CNTN5: variants seen among roughly 807,000 people sequenced by gnomAD.
CNTN5 encodes the protein contactin-5.
CNTN5 carries 77 observed loss-of-function variants against 129.1 expected under a neutral mutation model. That is an observed-to-expected ratio of 0.60 (90% CI 0.50 to 0.72). CNTN5 has a LOEUF of 0.72. Ranked by LOEUF, CNTN5 falls within the 30% of genes least tolerant of loss-of-function variation. CNTN5 has a pLI of 0.00. For missense variants in CNTN5, 1,478 were observed against 1,328.8 expected (o/e 1.11, Z -1.75); for synonymous variants, 509 against 465.6 (o/e 1.09, Z -1.20).
chr11:100,351,012 G>A (rs913645878), intron 24 of CNTN5, 142 bp downstream of exon 24: 1 of 596,266 alleles, frequency 1.7e-6, no homozygotes, highest in African/African-American at 1.9e-5. Context: ...ATTATCTTCT[G>A]ATTAATATGA....
At chr11:99,357,766 A>T (rs1209243481) in intron 2 of CNTN5, among the ~76,000 whole-genome samples, 1 of 151,954 alleles carries the variant, frequency 6.6e-6, no homozygotes, top group Non-Finnish European at 1.5e-5. Context: ...AATTAGGTAT[A>T]GAAAATTAGG....
intron 2 of CNTN5, among the ~76,000 whole-genome samples, chr11:99,415,047 A>AAGGC (rs1235970717): frequency 4.5e-5 from 2 of 44,476 alleles, no homozygotes; most frequent in East Asian, 1.3e-3. Context: ...TTATTTCAAC[A>AAGGC]AGGCATGCTA....
chr11:99,513,247 C>A (rs1449820457), intron 2 of CNTN5, among the ~76,000 whole-genome samples: 3 of 152,142 alleles, frequency 2.0e-5, no homozygotes, highest in African/African-American at 7.2e-5. Context: ...GAGGAAGCTG[C>A]AAAAGCAAAG....
intron 13 of CNTN5, among the ~76,000 whole-genome samples, chr11:100,118,783 C>T (rs1174784429): frequency 6.6e-6 from 1 of 151,760 alleles, no homozygotes; most frequent in Non-Finnish European, 1.5e-5. Flanking sequence ...CAAGAATACC[C>T]ATCTTTTTAA....
intron 13 of CNTN5, among the ~76,000 whole-genome samples, chr11:100,097,522 G>A (rs1176550394): frequency 1.3e-5 from 2 of 152,038 alleles, no homozygotes; most frequent in Non-Finnish European, 2.9e-5. Flanking sequence ...CAGAATAAAA[G>A]AAGTTATTCC....
At chr11:100,195,242 A>G (rs1351958642) in intron 15 of CNTN5, among the ~76,000 whole-genome samples, 1 of 152,012 alleles carries the variant, frequency 6.6e-6, no homozygotes, top group African/African-American at 2.4e-5. Flanking sequence ...GAGTGATCAC[A>G]TATCTAAAGA....
chr11:99,684,313 C>T (rs76424698), intron 3 of CNTN5, among the ~76,000 whole-genome samples: 5,308 of 151,806 alleles, frequency 0.035, 334 homozygotes, highest in African/African-American at 0.12. Context: ...CTTTTTAAAA[C>T]TCATTTTTGT....
intron 18 of CNTN5, among the ~76,000 whole-genome samples, chr11:100,288,080 C>T (rs61908372): frequency 6.6e-6 from 1 of 151,938 alleles, no homozygotes. Context: ...TATATGCACC[C>T]AATACAGGAG....
At chr11:100,192,502 G>A (rs1948522846) in intron 14 of CNTN5, among the ~76,000 whole-genome samples, 1 of 151,886 alleles carries the variant, frequency 6.6e-6, no homozygotes, top group Non-Finnish European at 1.5e-5. Flanking sequence ...GGTTAGGAGT[G>A]GTGTTTCATC....
intron 13 of CNTN5, among the ~76,000 whole-genome samples, chr11:100,126,161 A>G (rs1402208353): frequency 6.6e-6 from 1 of 152,092 alleles, no homozygotes; most frequent in Non-Finnish European, 1.5e-5. Context: ...CTGTGACCCA[A>G]GAGTATGGTT....
intron 1 of CNTN5, among the ~76,000 whole-genome samples, chr11:99,235,162 A>G (rs1861202929): frequency 6.6e-6 from 1 of 152,066 alleles, no homozygotes; most frequent in Non-Finnish European, 1.5e-5. Flanking sequence ...CATTCAATCA[A>G]TCTTGTATGT....
chr11:99,965,466 G>T (rs1054282320), intron 8 of CNTN5, among the ~76,000 whole-genome samples: 9 of 151,966 alleles, frequency 5.9e-5, no homozygotes, highest in African/African-American at 2.2e-4. Flanking sequence ...GTAGTTGAGC[G>T]GTTTTGAGTG....
intron 13 of CNTN5, among the ~76,000 whole-genome samples, chr11:100,115,115 T>TAAAAAAAAAA (rs11388029): frequency 6.6e-4 from 52 of 78,306 alleles, no homozygotes; most frequent in African/African-American, 1.4e-3. Flanking sequence ...AGGTATACAG[T>TAAAAAAAAAA]AAAAAAAAAA....
chr11:99,491,170 T>A (rs1289270157), intron 2 of CNTN5, among the ~76,000 whole-genome samples: 1 of 152,142 alleles, frequency 6.6e-6, no homozygotes, highest in East Asian at 1.9e-4. Flanking sequence ...ACAAATTCAA[T>A]CAATCATTCC....
chr11:100,069,804 G>A (rs35457139), intron 10 of CNTN5, among the ~76,000 whole-genome samples: 12,618 of 152,010 alleles, frequency 0.083, 633 homozygotes, highest in East Asian at 0.19. Context: ...TTAAAAATTG[G>A]CCAATAGTGG....
intron 2 of CNTN5, among the ~76,000 whole-genome samples, chr11:99,538,966 C>G (rs1947998745): frequency 6.6e-6 from 1 of 151,980 alleles, no homozygotes; most frequent in Non-Finnish European, 1.5e-5. Context: ...CAACTCTCCT[C>G]CTCCATGTAA....
intron 8 of CNTN5, among the ~76,000 whole-genome samples, chr11:99,977,778 G>C (rs1269080774): frequency 2.0e-5 from 3 of 152,170 alleles, no homozygotes; most frequent in Non-Finnish European, 4.4e-5. Flanking sequence ...TAAGATTTAG[G>C]TGGGGGCACA....
At chr11:100,255,965 A>G (rs1950060173) in intron 17 of CNTN5, 47 bp downstream of exon 17, 1 of 1,557,752 alleles carries the variant, frequency 6.4e-7, no homozygotes, top group Non-Finnish European at 8.8e-7. Flanking sequence ...GTGGCCTTCT[A>G]TCTCATAAGC....
intron 2 of CNTN5, among the ~76,000 whole-genome samples, chr11:99,342,465 T>C (rs1337732884): frequency 1.3e-5 from 2 of 149,804 alleles, no homozygotes; most frequent in African/African-American, 2.5e-5. Context: ...ACAGGCGTAG[T>C]GACTCATGCC....
Sources: allele counts gnomAD v4.1 joint callset (sites outside exome capture counted in the v4.1 genomes callset), GRCh38; gene constraint gnomAD v4.1.1; transcripts MANE v1.5; gene names NCBI Gene and HGNC (gene_info 2026-07-23, HGNC 2026-07-21).